The following CLASP1 variants were observed in gnomAD, a reference collection of about 807,000 sequenced individuals.
The protein encoded by CLASP1 is CLIP-associating protein 1.
In CLASP1, 38 loss-of-function variants were observed where a neutral mutation model predicts 192.3. That is an observed-to-expected ratio of 0.20 (90% CI 0.15 to 0.26). The LOEUF is 0.26. Ranked by LOEUF, CLASP1 falls within the 10% of genes least tolerant of loss-of-function variation. The pLI, the probability that CLASP1 is intolerant of heterozygous loss-of-function variation, is 1.00. For synonymous variants in CLASP1, 691 were observed against 712.8 expected (o/e 0.97, Z 0.49); for missense variants, 1,433 against 1,932.5 (o/e 0.74, Z 4.85).
rs76823286 is a variant in CLASP1, at chr2:121,527,137, C to A, written c.470+662G>T. 6.3e-3 allele frequency among the ~76,000 whole-genome samples: 954 copies of A among 152,218 alleles called. 15 individuals carry two copies. The highest frequency in any genetic ancestry group is 0.022 in the African/African-American group (922 of 41,522). On this transcript the variant is annotated intron_variant, in intron 5 of 39. Coordinates refer to ENST00000263710, the Ensembl canonical transcript of CLASP1. ...ATCACCCAGCAAGTGTACTCTTGGG[C>A]AGTGATCCAAGAGAGATGGAAACTT...
chr2:121,458,853 C>T (rs2087249446), exon 13 of CLASP1: 5 of 1,607,842 alleles, frequency 3.1e-6, no homozygotes, highest in African/African-American at 1.3e-5. Context: ...AATAATTAAC[C>T]TAACAGCTAC....
chr2:121,575,008 G>C (rs1313349334), intron 2 of CLASP1, among the ~76,000 whole-genome samples: 1 of 151,988 alleles, frequency 6.6e-6, no homozygotes, highest in Non-Finnish European at 1.5e-5. Flanking sequence ...AACTATGTGA[G>C]GTAACGCATA....
chr2:121,382,126 G>T, intron 33 of CLASP1, 82 bp downstream of exon 34: 1 of 1,093,658 alleles, frequency 9.1e-7, no homozygotes, highest in Non-Finnish European at 1.4e-6. Context: ...GCAGCTTAGA[G>T]GCTTTCCCAA....
At chr2:121,437,607 T>C (rs769650602) in intron 19 of CLASP1, among the ~76,000 whole-genome samples, 4 of 152,214 alleles carry the variant, frequency 2.6e-5, no homozygotes, top group Non-Finnish European at 4.4e-5. Context: ...AAGATTTTGG[T>C]TGCACATTCT....
At chr2:121,475,137 GAAGT>G (rs781465634) in intron 8 of CLASP1, among the ~76,000 whole-genome samples, 1 of 152,148 alleles carries the variant, frequency 6.6e-6, no homozygotes, top group Non-Finnish European at 1.5e-5. Context: ...GTTAGTGAAG[GAAGT>G]AATTCACATT....
At chr2:121,387,415 C>A (rs1208422443) in intron 31 of CLASP1, among the ~76,000 whole-genome samples, 187 bp from the exon 33 acceptor site, 1 of 151,814 alleles carries the variant, frequency 6.6e-6, no homozygotes, top group Non-Finnish European at 1.5e-5. Flanking sequence ...AATCATCATA[C>A]AAGCACTCCT....
intron 8 of CLASP1, among the ~76,000 whole-genome samples, chr2:121,493,006 T>C (rs973617677): frequency 6.6e-6 from 1 of 152,222 alleles, no homozygotes; most frequent in African/African-American, 2.4e-5. Flanking sequence ...AAATGAATGC[T>C]GTCATGGTAT....
At chr2:121,443,412 C>T (rs1193768203) in intron 19 of CLASP1, among the ~76,000 whole-genome samples, 1 of 152,188 alleles carries the variant, frequency 6.6e-6, no homozygotes, top group Non-Finnish European at 1.5e-5. Flanking sequence ...CTTTGCTTTC[C>T]ATTTCATCTA....
intron 39 of CLASP1, among the ~76,000 whole-genome samples, chr2:121,343,873 C>T (rs973152890): frequency 1.3e-5 from 2 of 152,094 alleles, no homozygotes; most frequent in Non-Finnish European, 2.9e-5. Flanking sequence ...GAGTTCGAGA[C>T]CAGCCTGACC....
chr2:121,401,161 T>C (rs565898169), intron 28 of CLASP1, among the ~76,000 whole-genome samples: 185 of 152,224 alleles, frequency 1.2e-3, no homozygotes, highest in Non-Finnish European at 2.2e-3. Context: ...GACTTGTAAG[T>C]TGAAGTAATA....
chr2:121,478,992 CCACACACACACCACACACACACACCACA>C (rs2092315997), intron 8 of CLASP1, among the ~76,000 whole-genome samples: 1 of 63,358 alleles, frequency 1.6e-5, no homozygotes, highest in African/African-American at 8.4e-5. Context: ...ACCACACACC[CCACACACACACCACACACACACACCACA>C]CACACACACA....
At chr2:121,367,060 C>A (rs929397902) in intron 35 of CLASP1, among the ~76,000 whole-genome samples, 5 of 152,224 alleles carry the variant, frequency 3.3e-5, no homozygotes, top group African/African-American at 1.2e-4. Flanking sequence ...TGTCAAACCC[C>A]TGCCTCCCAA....
At chr2:121,347,886 T>C (rs778625224) in intron 38 of CLASP1, among the ~76,000 whole-genome samples, 2 of 152,098 alleles carry the variant, frequency 1.3e-5, no homozygotes, top group African/African-American at 4.8e-5. Context: ...CTTTCCCCAG[T>C]GAAACTCCCT....
At chr2:121,439,689 G>C (rs1484203690) in intron 19 of CLASP1, among the ~76,000 whole-genome samples, 2 of 151,664 alleles carry the variant, frequency 1.3e-5, no homozygotes, top group Non-Finnish European at 2.9e-5. Flanking sequence ...CAACCCAAAT[G>C]TCCAACAATG....
intron 2 of CLASP1, among the ~76,000 whole-genome samples, chr2:121,552,493 A>T (rs1243031010): frequency 2.0e-5 from 3 of 152,250 alleles, no homozygotes; most frequent in Non-Finnish European, 4.4e-5. Flanking sequence ...ACAAATTTAC[A>T]AGAGAAAAAA....
chr2:121,542,751 C>A (rs745542378), intron 2 of CLASP1, among the ~76,000 whole-genome samples: 2 of 152,174 alleles, frequency 1.3e-5, no homozygotes, highest in African/African-American at 4.8e-5. Flanking sequence ...ATGGGACTTA[C>A]AAAGTTATGG....
intron 2 of CLASP1, among the ~76,000 whole-genome samples, chr2:121,602,134 C>A (rs1576380203): frequency 1.3e-5 from 2 of 150,604 alleles, no homozygotes; most frequent in East Asian, 3.9e-4. Context: ...GAGATTACGC[C>A]ACTGCACTCC....
intron 2 of CLASP1, among the ~76,000 whole-genome samples, chr2:121,600,734 C>A (rs10179769): frequency 0.18 from 26,934 of 152,174 alleles, 4,092 homozygotes; most frequent in African/African-American, 0.41. Context: ...TTGCACCAAT[C>A]TAATAATTTA....
At chr2:121,607,449 C>A (rs1163166152) in intron 1 of CLASP1, among the ~76,000 whole-genome samples, 1 of 152,180 alleles carries the variant, frequency 6.6e-6, no homozygotes, top group Non-Finnish European at 1.5e-5. Flanking sequence ...ATTAGGAGAT[C>A]TCAAAATCAT....
Sources: gnomAD v4.1 joint callset for allele counts (sites outside exome capture counted in the v4.1 genomes callset) on GRCh38, gnomAD v4.1.1 for gene constraint, MANE v1.5 for transcripts, NCBI Gene and HGNC (gene_info 2026-07-23, HGNC 2026-07-21) for gene names.